Variants in AHDC1 observed in about 807,000 individuals in gnomAD.
The protein encoded by AHDC1 is AT-hook DNA binding motif containing 1, also known as transcription factor Gibbin.
In AHDC1, 7 loss-of-function variants were observed where a neutral mutation model predicts 87.9. The observed-to-expected ratio is 0.08, with a 90% CI of 0.05 to 0.15. The LOEUF (loss-of-function observed/expected upper bound fraction) is 0.15, where lower values mean the gene tolerates loss of function less well. AHDC1 is among the 10% of genes least tolerant of loss of function. AHDC1 has a pLI of 1.00. For synonymous variants in AHDC1, 1,051 were observed against 1,006.8 expected, an observed-to-expected ratio of 1.04 and a Z score of -0.83; for missense variants, 1,841 against 2,253.2, an observed-to-expected ratio of 0.82 and a Z score of 3.70.
chr1:27,555,665 T>C (rs2019783703), intron 5 of AHDC1, among the ~76,000 whole-genome samples: 1 of 152,200 alleles, frequency 6.6e-6, no homozygotes, highest in Non-Finnish European at 1.5e-5. Flanking sequence ...AACAGTGTGG[T>C]TGGGCCGTGG....
chr1:27,600,820 C>A (rs1183915036), intron 3 of AHDC1, among the ~76,000 whole-genome samples: 1 of 152,162 alleles, frequency 6.6e-6, no homozygotes, highest in Non-Finnish European at 1.5e-5. Context: ...GCAGGGGGTT[C>A]CAGAAGCCTC....
At position 27,550,699 on chromosome 1, in the gene AHDC1, G is replaced by A. The variant is rs768985633; in HGVS notation, c.1417C>T (p.Arg473Cys). 14 of 1,610,410 alleles carry A rather than the reference G, an allele frequency of 8.7e-6. No individual in the cohort carries two copies. The highest frequency in any genetic ancestry group is 2.2e-5 in the East Asian group (1 of 44,698). ...ATCTTGGCCATCTTCACCACCATGC[G>A]CCGCACGCCCCGGCACTTGCCTTTG... is the stretch of plus-strand genomic sequence containing the variant. Reference protein sequence around the residue: ...TRKGKCRGVRRMVVKMAKIPV... With the variant: ...TRKGKCRGVRCMVVKMAKIPV... Residue 473 changes from arginine to cysteine, a missense_variant, in exon 8 of 9, where the codon CGC (arginine) becomes TGC (cysteine). Around this residue, in one of 13 missense-constraint regions of AHDC1, gnomAD observed 27 missense variants for 58.6 expected, o/e 0.46. Transcript: ENST00000673934.
At chr1:27,553,229 C>G (rs577058897) in intron 5 of AHDC1, 44 bp from the exon 6 acceptor site, 1 of 152,582 alleles carries the variant, frequency 6.6e-6, no homozygotes, top group East Asian at 1.9e-4. Flanking sequence ...GCACCTACTG[C>G]GCGCCAGGTA....
intron 3 of AHDC1, among the ~76,000 whole-genome samples, chr1:27,573,015 G>A (rs538753447): frequency 3.3e-4 from 51 of 152,276 alleles, no homozygotes; most frequent in African/African-American, 1.2e-3. Context: ...AGACAACAGA[G>A]ACCTAGGGAA....
Position 27,549,363 on chromosome 1 carries a change from C to T in AHDC1, c.2753G>A (p.Arg918His), listed in dbSNP as rs1472593550. ...TGCTCGTCCTGGTGGGAAGGTCTGG[C>T]GCGCGGACAGGACAGGCTGAAAGGA... ...DPSFQPVLSARQTFPPGRAAS... is the reference protein window; with the variant it reads ...DPSFQPVLSAHQTFPPGRAAS... The change falls in exon 8 of 9, where the codon CGC (arginine) becomes CAC (histidine). Residue 918 changes from arginine (R) to histidine (H), a missense_variant. Arg to His is a conservative substitution (Grantham distance 29, BLOSUM62 0). This residue lies in a region of AHDC1 where 378 missense variants were observed against 399.0 expected (regional missense o/e 0.95). Coordinates refer to ENST00000673934, the MANE Select transcript of AHDC1 (RefSeq NM_001371928.1). 42 of 1,612,782 alleles carry T rather than the reference C, an allele frequency of 2.6e-5. No individual in the cohort carries two copies. Among genetic ancestry groups the T allele is most frequent in the Non-Finnish European group, 3.5e-5 (41 of 1,179,708 alleles).
intron 3 of AHDC1, among the ~76,000 whole-genome samples, chr1:27,568,688 C>A (rs2020431881): frequency 6.6e-6 from 1 of 151,808 alleles, no homozygotes; most frequent in South Asian, 2.1e-4. Context: ...CTTCCCCGGA[C>A]CCTTTCCCCC....
intron 3 of AHDC1, among the ~76,000 whole-genome samples, chr1:27,564,763 A>AC (rs2020245411): frequency 6.6e-6 from 1 of 151,834 alleles, no homozygotes; most frequent in African/African-American, 2.4e-5. Context: ...TTTACCCTAA[A>AC]CCCCACTTGG....
chr1:27,579,952 G>A (rs1380384819), intron 3 of AHDC1, among the ~76,000 whole-genome samples: 1 of 152,122 alleles, frequency 6.6e-6, no homozygotes. Context: ...AGTGCTGCCC[G>A]CCAGGATCTA....
chr1:27,592,130 A>G (rs1301262198), intron 3 of AHDC1, among the ~76,000 whole-genome samples: 2 of 152,104 alleles, frequency 1.3e-5, no homozygotes, highest in African/African-American at 4.8e-5. Context: ...CTGCCCCTCC[A>G]CAAGTAATAA....
At chr1:27,586,969 G>A (rs1453007821) in intron 3 of AHDC1, among the ~76,000 whole-genome samples, 1 of 152,130 alleles carries the variant, frequency 6.6e-6, no homozygotes, top group African/African-American at 2.4e-5. Context: ...TGAGGCCCTG[G>A]CCCCTCATTT....
At chr1:27,594,745 T>C (rs1195519506) in intron 3 of AHDC1, among the ~76,000 whole-genome samples, 1 of 152,040 alleles carries the variant, frequency 6.6e-6, no homozygotes, top group Non-Finnish European at 1.5e-5. Context: ...TGAGGCTGTC[T>C]AGGGGAACAA....
intron 3 of AHDC1, among the ~76,000 whole-genome samples, chr1:27,574,540 AGTGGCAACT>A (rs1311683280): frequency 3.3e-5 from 5 of 152,180 alleles, no homozygotes; most frequent in Non-Finnish European, 7.3e-5. Flanking sequence ...ACAGCCAGCG[AGTGGCAACT>A]GTGGCATAGG....
chr1:27,587,660 C>T (rs2089098906), intron 3 of AHDC1, among the ~76,000 whole-genome samples: 1 of 152,080 alleles, frequency 6.6e-6, no homozygotes, highest in Non-Finnish European at 1.5e-5. Context: ...GAGTCTGGGC[C>T]CCAGCAGCTG....
At chr1:27,583,201 C>T (rs1032073583) in intron 3 of AHDC1, among the ~76,000 whole-genome samples, 3 of 152,174 alleles carry the variant, frequency 2.0e-5, no homozygotes, top group East Asian at 1.9e-4. Context: ...CTAAGCCTCT[C>T]GAATCTGTCA....
chr1:27,537,418 C>T (rs575849172), intron 8 of AHDC1, among the ~76,000 whole-genome samples: 170 of 152,296 alleles, frequency 1.1e-3, no homozygotes, highest in African/African-American at 3.7e-3. Flanking sequence ...CTAACCTGGT[C>T]GTGGCAGGAG....
chr1:27,588,202 C>T (rs2089116691), intron 3 of AHDC1, among the ~76,000 whole-genome samples: 1 of 152,214 alleles, frequency 6.6e-6, no homozygotes, highest in African/African-American at 2.4e-5. Context: ...ATGCTATTCC[C>T]ACTGCCTGGA....
At chr1:27,587,913 A>C (rs1377107075) in intron 3 of AHDC1, among the ~76,000 whole-genome samples, 1 of 152,016 alleles carries the variant, frequency 6.6e-6, no homozygotes, top group Non-Finnish European at 1.5e-5. Context: ...TCTCCTCTCC[A>C]TCCTACTCAC....
chr1:27,547,298 T>C lies in AHDC1; in HGVS notation c.*6A>G. ...CCTCGCGGTCCAGTCGGCACTTCAG[T>C]TGGCACTACAGGGATGTGACGGTGA... is the stretch of plus-strand genomic sequence containing the variant. On this transcript the variant is annotated 3_prime_UTR_variant, in exon 8 of 9. Coordinates refer to ENST00000673934, the MANE Select transcript of AHDC1 (RefSeq NM_001371928.1). This position sits in a 1 kb window ranked among gnomAD's most constrained non-coding sequence, Gnocchi z 4.9. 1 of 1,522,842 alleles carries C rather than the reference T, an allele frequency of 6.6e-7. No homozygotes were observed. Among genetic ancestry groups the C allele is most frequent in the Non-Finnish European group, 8.8e-7 (1 of 1,136,644 alleles). 94.3% of individuals were successfully genotyped at this position (1,522,842 alleles called of 1,614,324 possible). A position where few individuals can be genotyped will look rare whatever the true frequency, so the allele number is the denominator to read the frequency against.
At chr1:27,559,274 T>G (rs2019961938) in intron 3 of AHDC1, among the ~76,000 whole-genome samples, 1 of 152,062 alleles carries the variant, frequency 6.6e-6, no homozygotes, top group Admixed American at 6.5e-5. Flanking sequence ...CAGGCTGGTC[T>G]CGAACTCCTG....
Sources: allele counts gnomAD v4.1 joint callset (sites outside exome capture counted in the v4.1 genomes callset), GRCh38; gene constraint gnomAD v4.1.1; regional missense constraint gnomAD v4.1.1; non-coding constraint Gnocchi (gnomAD v3.1); transcripts MANE v1.5; gene names NCBI Gene and HGNC (gene_info 2026-07-23, HGNC 2026-07-21).